ELAVL2: variants seen among roughly 807,000 people sequenced by gnomAD.
The protein encoded by ELAVL2 is ELAV like RNA binding protein 2, also known as ELAV-like protein 2.
Under a neutral mutation model 34.6 loss-of-function variants are expected in ELAVL2, and 4 were observed. The observed-to-expected ratio is 0.12, with a 90% confidence interval of 0.06 to 0.26. The LOEUF is 0.26. Ranked by LOEUF, ELAVL2 falls within the 10% of genes least tolerant of loss-of-function variation. The pLI, the probability that ELAVL2 is intolerant of heterozygous loss-of-function variation, is 1.00. For missense variants in ELAVL2, 432 were observed against 442.8 expected, an observed-to-expected ratio of 0.98 and a Z score of 0.22; for synonymous variants, 193 against 154.8, an observed-to-expected ratio of 1.25 and a Z score of -1.83.
At chr9:23,787,393 A>T (rs1233422297) in intron 1 of ELAVL2, among the ~76,000 whole-genome samples, 3 of 151,368 alleles carry the variant, frequency 2.0e-5, no homozygotes, top group Non-Finnish European at 4.4e-5. Flanking sequence ...CACCATGCCC[A>T]GCTAATTTTT....
chr9:23,809,462 T>TA (rs2062682856), intron 1 of ELAVL2, among the ~76,000 whole-genome samples: 2 of 152,120 alleles, frequency 1.3e-5, no homozygotes, highest in Admixed American at 1.3e-4. Context: ...AAAAGTAATA[T>TA]AAAAATTGCA....
chr9:23,844,015 T>C, the ELAVL2 span, among the ~76,000 whole-genome samples: 1 of 152,148 alleles, frequency 6.6e-6, no homozygotes, highest in South Asian at 2.1e-4. Context: ...AAGAAAAATA[T>C]ATACTTCATC....
intron 3 of ELAVL2, among the ~76,000 whole-genome samples, chr9:23,730,038 G>A (rs2046165085): frequency 6.6e-6 from 1 of 152,076 alleles, no homozygotes; most frequent in Non-Finnish European, 1.5e-5. Context: ...ATTGATAGAA[G>A]TTGTCTGGAA....
the ELAVL2 span, among the ~76,000 whole-genome samples, chr9:23,842,125 G>C: frequency 6.6e-6 from 1 of 152,120 alleles, no homozygotes; most frequent in Non-Finnish European, 1.5e-5. Flanking sequence ...TCTCACCTTA[G>C]ACAATTGGTT....
At chr9:23,842,939 T>A in the ELAVL2 span, among the ~76,000 whole-genome samples, 2 of 152,136 alleles carry the variant, frequency 1.3e-5, no homozygotes, top group Non-Finnish European at 2.9e-5. Context: ...ACTTGCCATT[T>A]TTTCCTGCTT....
upstream of ELAVL2, chr9:23,829,539 T>C (rs2065432165): frequency 6.6e-6 from 1 of 152,198 alleles, no homozygotes; most frequent in Non-Finnish European, 1.5e-5. Context: ...TGAATAAAAA[T>C]GTTATGTGTT....
Position 23,762,138 on chromosome 9 carries a change from T to C in ELAVL2, c.97A>G (p.Asn33Asp). Residue 33 changes from asparagine to aspartate, a missense_variant, in exon 2 of 7, where the codon AAC (asparagine) becomes GAC (aspartate). By Grantham distance (23) the Asn-to-Asp change is conservative (BLOSUM62 1). Around this residue, in one of 3 missense-constraint regions of ELAVL2, gnomAD observed 132 missense variants for 118.3 expected, o/e 1.12. Transcript: ENST00000397312. ...NNCSSPVDSG[N>D]TEDSKTNLIV... ...AAGTTGGTCTTGCTGTCTTCTGTGT[T>C]CCCAGAGTCAACTGGTGACGAACAG... The C allele has an allele frequency of 1.2e-6, 2 of 1,613,670 alleles. No individual in the cohort carries two copies. Among genetic ancestry groups the C allele is most frequent in the Non-Finnish European group, 1.7e-6 (2 of 1,179,644 alleles).
chr9:23,710,924 C>G (rs1352314509), intron 3 of ELAVL2, among the ~76,000 whole-genome samples: 1 of 152,082 alleles, frequency 6.6e-6, no homozygotes, highest in Non-Finnish European at 1.5e-5. Flanking sequence ...GGATCTCTAA[C>G]CACAACTCAG....
intron 2 of ELAVL2, among the ~76,000 whole-genome samples, chr9:23,754,445 GTT>G (rs113168156): frequency 2.0e-5 from 3 of 146,562 alleles, no homozygotes; most frequent in African/African-American, 7.5e-5. Context: ...TTGGCATTAA[GTT>G]TTTTTTTTTT....
rs1274287169 is a variant in ELAVL2, at chr9:23,691,150, C to T, written c.*1407G>A. ...CTGTAAATTCAAGTCCTCAGGACAACAAAAGTGATTAAGCAAGACCTCAAG... is the reference window on the plus strand; with the variant it reads ...CTGTAAATTCAAGTCCTCAGGACAATAAAAGTGATTAAGCAAGACCTCAAG... On this transcript the variant is annotated 3_prime_UTR_variant, in exon 7 of 7. Coordinates refer to ENST00000397312, the MANE Select transcript of ELAVL2 (RefSeq NM_004432.5). The T allele has an allele frequency of 1.5e-4, 23 of 152,230 alleles. No homozygotes were observed. Among genetic ancestry groups the T allele is most frequent in the Admixed American group, 1.4e-3 (22 of 15,228 alleles). The allele number at this position is 152,230 out of a possible 1,614,324, so 9.4% of individuals were successfully genotyped here.
At chr9:23,827,902 G>T (rs1045995708), upstream of ELAVL2, among the ~76,000 whole-genome samples, 10 of 152,254 alleles carry the variant, frequency 6.6e-5, no homozygotes, top group African/African-American at 1.9e-4. Context: ...TGGGGCTTGA[G>T]AAAGAAGGCC....
chr9:23,706,071 A>G (rs1587425446), intron 3 of ELAVL2, among the ~76,000 whole-genome samples: 1 of 152,148 alleles, frequency 6.6e-6, no homozygotes, highest in Non-Finnish European at 1.5e-5. Context: ...ACAAGCCCTC[A>G]TTATCCTTTG....
intron 5 of ELAVL2, among the ~76,000 whole-genome samples, chr9:23,696,411 A>C (rs1405449980): frequency 6.6e-6 from 1 of 152,158 alleles, no homozygotes; most frequent in African/African-American, 2.4e-5. Context: ...GGACTACTAC[A>C]ACAAGCCCCT....
At position 23,760,636 on chromosome 9, in the gene ELAVL2, G is replaced by T. The variant is rs779335145; in HGVS notation, c.229+1370C>A. Among the ~76,000 whole-genome samples, 7 of 152,076 alleles carry T rather than the reference G, an allele frequency of 4.6e-5. No homozygotes were observed. The Middle Eastern group carries it at 0.01, about 222-fold the overall frequency. ...TGCTTATCACACTCATTTTGGAAAA[G>T]AAATTGAAAAATCTCATCCATCTGA... On this transcript the variant is annotated intron_variant, in intron 2 of 6. Coordinates refer to ENST00000397312, the MANE Select transcript of ELAVL2 (RefSeq NM_004432.5).
chr9:23,729,864 T>C (rs997300678), intron 3 of ELAVL2, among the ~76,000 whole-genome samples: 6 of 152,034 alleles, frequency 3.9e-5, no homozygotes, highest in Non-Finnish European at 5.9e-5. Flanking sequence ...AAATGACACT[T>C]CATTTCCAGA....
rs775594043 is a variant in ELAVL2, at chr9:23,692,937, G to A, written c.753-53C>T. The stretch of plus-strand genomic sequence containing the variant: ...ATACACACAAAAAATAAAAACAGAG[G>A]TTGGTTATAGCAATGAACGTATACC... On this transcript the variant is annotated intron_variant, in intron 6 of 6. Transcript: ENST00000397312. 10 of 1,540,286 alleles carry A rather than the reference G, an allele frequency of 6.5e-6. No individual in the cohort carries two copies. In the African/African-American group the frequency reaches 1.2e-4, roughly 19 times the overall value.
At chr9:23,734,779 C>T (rs888026173) in intron 2 of ELAVL2, among the ~76,000 whole-genome samples, 13 of 151,698 alleles carry the variant, frequency 8.6e-5, no homozygotes, top group East Asian at 1.9e-4. Context: ...TATAAATGAG[C>T]GCACAGTTTT....
intron 3 of ELAVL2, among the ~76,000 whole-genome samples, chr9:23,729,191 C>T (rs2134423688): frequency 6.6e-6 from 1 of 152,248 alleles, no homozygotes; most frequent in Middle Eastern, 3.4e-3. Flanking sequence ...AAAGAACTGA[C>T]ACACTAGAAT....
intron 1 of ELAVL2, among the ~76,000 whole-genome samples, chr9:23,823,576 G>C (rs762075213): frequency 6.6e-6 from 1 of 152,208 alleles, no homozygotes; most frequent in East Asian, 1.9e-4. Flanking sequence ...CAATAAGTAA[G>C]GGCGAGAGTT....
Sources: gnomAD v4.1 joint callset for allele counts (sites outside exome capture counted in the v4.1 genomes callset) on GRCh38, gnomAD v4.1.1 for gene constraint, gnomAD v4.1.1 regional missense constraint, MANE v1.5 for transcripts, NCBI Gene and HGNC (gene_info 2026-07-23, HGNC 2026-07-21) for gene names.